MMP20: variants seen among roughly 807,000 people sequenced by gnomAD.
The protein encoded by MMP20 is matrix metalloproteinase-20.
In MMP20, 50 loss-of-function variants were observed where a neutral mutation model predicts 51.8. The ratio of observed to expected loss-of-function variants is 0.97; its 90% CI spans 0.77 to 1.22. MMP20 has a LOEUF of 1.22. MMP20 is among the 50% of genes most tolerant of loss of function. MMP20 has a pLI of 0.00. For synonymous variants in MMP20, 244 were observed against 216.2 expected (o/e 1.13, Z -1.13); for missense variants, 663 against 601.4 (o/e 1.10, Z -1.07).
intron 6 of MMP20, among the ~76,000 whole-genome samples, chr11:102,601,145 T>G (rs1167829147): frequency 7.4e-5 from 2 of 27,082 alleles, no homozygotes; most frequent in East Asian, 6.5e-4. Context: ...TTTTTTTTTT[T>G]TTTTTGAGAC....
intron 8 of MMP20, among the ~76,000 whole-genome samples, chr11:102,582,951 C>T (rs1372572991): frequency 6.6e-6 from 1 of 152,132 alleles, no homozygotes; most frequent in African/African-American, 2.4e-5. Context: ...CCTCACATGG[C>T]CTCAATCACC....
At chr11:102,590,403 G>A (rs1859303801) in intron 8 of MMP20, among the ~76,000 whole-genome samples, 2 of 152,164 alleles carry the variant, frequency 1.3e-5, no homozygotes, top group South Asian at 4.1e-4. Context: ...GGTCCTCTGT[G>A]CGCTGCTCCC....
intron 8 of MMP20, among the ~76,000 whole-genome samples, chr11:102,591,281 C>A (rs542062905): frequency 1.3e-5 from 2 of 152,292 alleles, no homozygotes; most frequent in East Asian, 3.9e-4. Context: ...ACTGCCATTG[C>A]TGAAGGGATT....
At chr11:102,615,552 G>A (rs573882439) in intron 2 of MMP20, among the ~76,000 whole-genome samples, 18 of 152,234 alleles carry the variant, frequency 1.2e-4, no homozygotes, top group Admixed American at 3.3e-4. Context: ...TCCTAAAAGG[G>A]AAATCTGATC....
In MMP20 at chr11:102,615,385, CA is replaced by C. The variant is rs1366378609; in HGVS notation, c.374+1426del. On this transcript the variant is annotated intron_variant, in intron 2 of 9. Transcript: ENST00000260228. ...AATGGCTGTCTTAGCAACCAGCTCA[CA>C]AAATTCTTGGGAGCTTAACAAGTGG... 2.8e-4 allele frequency among the ~76,000 whole-genome samples: 42 copies of C among 151,980 alleles called. 1 individual carries two copies. The highest frequency in any genetic ancestry group is 5.2e-4 in the Admixed American group (8 of 15,266).
chr11:102,619,362 T>A (rs952075848), intron 1 of MMP20, among the ~76,000 whole-genome samples: 4 of 152,086 alleles, frequency 2.6e-5, no homozygotes, highest in South Asian at 2.1e-4. Context: ...ACAAAATAGG[T>A]TATATAAGGG....
chr11:102,612,949 C>G (rs1859622085), intron 2 of MMP20, among the ~76,000 whole-genome samples: 1 of 152,010 alleles, frequency 6.6e-6, no homozygotes, highest in Non-Finnish European at 1.5e-5. Flanking sequence ...GTTGGCCAGG[C>G]TGGTCTTGAA....
In MMP20 at chr11:102,589,451, T is replaced by C. The variant is rs139093442; in HGVS notation, c.1247+3988A>G. 1.2e-3 allele frequency among the ~76,000 whole-genome samples: 190 copies of C among 152,336 alleles called. 1 individual carries two copies. Among genetic ancestry groups the C allele is most frequent in the African/African-American group, 4.3e-3 (180 of 41,574 alleles). ...TCTGTTAGTTATTTATCTATATATT[T>C]ACCCTCAACTGTAAGATCTGTTGAG... On this transcript the variant is annotated intron_variant, in intron 8 of 9. Transcript: ENST00000260228.
At chr11:102,605,907 T>C (rs932341310) in intron 6 of MMP20, among the ~76,000 whole-genome samples, 11 of 151,798 alleles carry the variant, frequency 7.2e-5, no homozygotes, top group South Asian at 4.2e-4. Context: ...GAAACCAGAG[T>C]TGGGGGAGAA....
chr11:102,606,907 G>A, intron 5 of MMP20: 1 of 537,256 alleles, frequency 1.9e-6, no homozygotes, highest in Non-Finnish European at 3.4e-6. Context: ...TGTTAAAAGG[G>A]AGGGATAATA....
intron 8 of MMP20, among the ~76,000 whole-genome samples, chr11:102,581,054 A>G (rs868817307): frequency 6.6e-6 from 1 of 152,128 alleles, no homozygotes; most frequent in Admixed American, 6.5e-5. Flanking sequence ...TGACTCTGTT[A>G]CCTGCTGACT....
chr11:102,578,839 AAG>A (rs1264030279), intron 9 of MMP20, among the ~76,000 whole-genome samples, 198 bp downstream of exon 9: 1 of 152,276 alleles, frequency 6.6e-6, no homozygotes, highest in African/African-American at 2.4e-5. Context: ...TCCATTAGGA[AAG>A]AGAGAACTAA....
At chr11:102,594,503 A>T in intron 7 of MMP20, 118 bp downstream of exon 7, 1 of 1,354,864 alleles carries the variant, frequency 7.4e-7, no homozygotes, top group Non-Finnish European at 1.0e-6. Flanking sequence ...ACCTGAGGAC[A>T]AAGAGCAACT....
intron 6 of MMP20, 143 bp from the exon 7 acceptor site, chr11:102,594,900 T>A: frequency 2.0e-6 from 2 of 989,360 alleles, no homozygotes; most frequent in Non-Finnish European, 1.4e-6. Flanking sequence ...TTGTTTTTTT[T>A]CTCTTTTCTT....
At position 102,615,931 on chromosome 11, in the gene MMP20, G is replaced by A. The variant is rs369593145; in HGVS notation, c.374+881C>T. On this transcript the variant is annotated intron_variant, in intron 2 of 9. Coordinates refer to ENST00000260228, the MANE Select transcript of MMP20 (RefSeq NM_004771.4). ...ACCCCTACCTCAGGCTGAGGGGCAG[G>A]TACCATACATAGTTTGCCCTTGGTT... Among the ~76,000 whole-genome samples, 122 of 152,240 alleles carry A rather than the reference G, an allele frequency of 8.0e-4. 3 individuals carry two copies. In the South Asian group the frequency reaches 0.025, roughly 31 times the overall value.
intron 8 of MMP20, among the ~76,000 whole-genome samples, chr11:102,581,590 G>A (rs931341512): frequency 6.6e-6 from 1 of 152,158 alleles, no homozygotes; most frequent in African/African-American, 2.4e-5. Context: ...GAAGAGAATT[G>A]AAGAATGAAA....
rs767478911 is a variant in MMP20 at position 102,593,547 on chromosome 11, C to T, written c.1139G>A (p.Arg380Gln). The change falls in exon 8 of 10, where the codon CGG becomes CAG. Residue 380 changes from arginine to glutamine, a missense_variant. Transcript: ENST00000260228. ...TRGFQMQGPP[R>Q]TIYDFGFPRH... Reference sequence around the variant, plus strand: ...TGGAAATCCAAAGTCATAAATAGTCCGAGGAGGACCTTGCATTTGGAATCC... The same window carrying T: ...TGGAAATCCAAAGTCATAAATAGTCTGAGGAGGACCTTGCATTTGGAATCC... 3.1e-5 allele frequency: 50 copies of T among 1,613,940 alleles called. 1 individual carries two copies. Among genetic ancestry groups the T allele is most frequent in the South Asian group, 2.2e-4 (20 of 91,086 alleles).
chr11:102,616,334 C>T (rs17099063), intron 2 of MMP20, among the ~76,000 whole-genome samples: 19,932 of 152,166 alleles, frequency 0.13, 1,529 homozygotes, highest in East Asian at 0.4. Context: ...ATGTCTGTCT[C>T]TCCTTAAAGG....
Position 102,594,771 on chromosome 11 carries a change from C to CAAAAA in MMP20, c.954-19_954-15dup. Reference sequence around the variant, plus strand: ...CTCCAGAAAATCCTATGGGACATTCCAAAAAAAAAAAAAAAAAAAATCAAG... The same window carrying CAAAAA: ...CTCCAGAAAATCCTATGGGACATTCCAAAAAAAAAAAAAAAAAAAAAAAAATCAAG... On this transcript the variant is annotated splice_polypyrimidine_tract_variant and intron_variant, in intron 6 of 9. Coordinates refer to ENST00000260228, the MANE Select transcript of MMP20 (RefSeq NM_004771.4). 2.1e-6 allele frequency: 3 copies of CAAAAA among 1,403,668 alleles called. No homozygotes were observed. Among genetic ancestry groups the CAAAAA allele is most frequent in the Admixed American group, 5.0e-5 (2 of 39,748 alleles). The allele number at this position is 1,403,668 out of a possible 1,614,324, so 87.0% of individuals were successfully genotyped here.
Sources: gnomAD v4.1 joint callset for allele counts (sites outside exome capture counted in the v4.1 genomes callset) on GRCh38, gnomAD v4.1.1 for gene constraint, MANE v1.5 for transcripts, NCBI Gene and HGNC (gene_info 2026-07-23, HGNC 2026-07-21) for gene names.